The following NEK7 variants were observed in gnomAD, a reference collection of about 807,000 sequenced individuals.
The protein encoded by NEK7 is serine/threonine-protein kinase Nek7.
Under a neutral mutation model 44.6 loss-of-function variants are expected in NEK7, and 18 were observed. That is an observed-to-expected ratio of 0.40 (90% CI 0.28 to 0.60). The LOEUF is 0.60. Among genes scored for constraint, NEK7 ranks in the 20% least tolerant of loss-of-function variants. The pLI is 0.38. For synonymous variants in NEK7, 130 were observed against 121.1 expected (o/e 1.07, Z -0.48); for missense variants, 256 against 366.5 (o/e 0.70, Z 2.46).
intron 1 of NEK7, among the ~76,000 whole-genome samples, chr1:198,201,066 G>A (rs917965760): frequency 2.0e-5 from 3 of 152,106 alleles, no homozygotes; most frequent in Admixed American, 6.5e-5. Flanking sequence ...AGTGATTTTT[G>A]TGGTACATAA....
chr1:198,215,941 A>G (rs1476351258), intron 1 of NEK7, among the ~76,000 whole-genome samples: 5 of 152,122 alleles, frequency 3.3e-5, no homozygotes, highest in African/African-American at 9.7e-5. Flanking sequence ...GAAAAGAGAT[A>G]GCAACACAAC....
At chr1:198,168,645 A>G (rs1470442667) in intron 1 of NEK7, among the ~76,000 whole-genome samples, 2 of 152,220 alleles carry the variant, frequency 1.3e-5, no homozygotes, top group African/African-American at 4.8e-5. Context: ...TGGCAGCTGT[A>G]AAATGAGTGA....
chr1:198,197,832 G>A lies in NEK7; in HGVS notation c.-28-34721G>A, dbSNP rs1245793559. On this transcript the variant is annotated intron_variant, in intron 1 of 9. Coordinates refer to ENST00000367385, the MANE Select transcript of NEK7 (RefSeq NM_133494.3). ...GAGGAATGCTTGCCATGCTCGTGGT[G>A]CTTGTGCATCTTTTTGTGAGCTTTC... 2.8e-5 allele frequency: 23 copies of A among 811,036 alleles called. No individual in the cohort carries two copies. In the Admixed American group the frequency reaches 4.0e-4, roughly 14 times the overall value. 50.2% of individuals were successfully genotyped at this position (811,036 alleles called of 1,614,324 possible).
At chr1:198,248,643 G>T (rs1478774789) in intron 2 of NEK7, among the ~76,000 whole-genome samples, 1 of 152,132 alleles carries the variant, frequency 6.6e-6, no homozygotes, top group Non-Finnish European at 1.5e-5. Context: ...CATATTCTTT[G>T]CAGAAGTTAA....
At chr1:198,161,700 C>A (rs1664111657) in intron 1 of NEK7, among the ~76,000 whole-genome samples, 1 of 152,096 alleles carries the variant, frequency 6.6e-6, no homozygotes, top group Non-Finnish European at 1.5e-5. Flanking sequence ...GGTTTCTTCA[C>A]CATTCTTTGC....
At position 198,320,445 on chromosome 1, in the gene NEK7, T is replaced by C. The variant is rs1558110839; in HGVS notation, c.*923T>C. ...CTAAGTTTTTATTCATAAGTTTTATTGAAGTTCTGATCGGTCCCCTTCAGA... is the reference window on the plus strand; with the variant it reads ...CTAAGTTTTTATTCATAAGTTTTATCGAAGTTCTGATCGGTCCCCTTCAGA... On this transcript the variant is annotated 3_prime_UTR_variant, in exon 10 of 10. Transcript: ENST00000367385. The C allele has an allele frequency of 2.0e-5, 3 of 152,160 alleles. No individual in the cohort carries two copies. The allele number at this position is 152,160 out of a possible 1,614,324, so 9.4% of individuals were successfully genotyped here. A position where few individuals can be genotyped will look rare whatever the true frequency, so the allele number is the denominator to read the frequency against.
At chr1:198,288,630 C>T (rs192660042) in intron 7 of NEK7, among the ~76,000 whole-genome samples, 91 of 152,290 alleles carry the variant, frequency 6.0e-4, no homozygotes, top group Admixed American at 1.2e-3. Flanking sequence ...CCTATGCCTT[C>T]TCTCTAAAGC....
intron 7 of NEK7, 108 bp downstream of exon 7, chr1:198,279,169 T>A (rs1210126164): frequency 2.9e-6 from 2 of 678,034 alleles, no homozygotes; most frequent in South Asian, 1.9e-5. Context: ...AAAACTATTT[T>A]AAAAATCACC....
intron 2 of NEK7, among the ~76,000 whole-genome samples, chr1:198,252,528 C>CTATATATACA (rs1653055917): frequency 3.1e-5 from 1 of 32,694 alleles, no homozygotes; most frequent in African/African-American, 1.5e-4. Flanking sequence ...ATCTCACATA[C>CTATATATACA]TATATATATA....
intron 1 of NEK7, among the ~76,000 whole-genome samples, chr1:198,231,297 GTGTGTATATATATATA>G (rs1213824200): frequency 1.9e-4 from 17 of 90,188 alleles, no homozygotes; most frequent in Admixed American, 1.2e-3. Flanking sequence ...GTGTATGTGT[GTGTGTATATATATATA>G]TATATATATA....
chr1:198,239,399 G>A (rs924334300), intron 2 of NEK7, among the ~76,000 whole-genome samples: 1 of 151,916 alleles, frequency 6.6e-6, no homozygotes, highest in Non-Finnish European at 1.5e-5. Context: ...GTAATGTGAT[G>A]GATTTAGGTG....
intron 8 of NEK7, among the ~76,000 whole-genome samples, chr1:198,295,667 T>C (rs966562431): frequency 4.6e-5 from 7 of 151,776 alleles, no homozygotes; most frequent in African/African-American, 1.2e-4. Context: ...AAAAGGACTA[T>C]AATGAACGCC....
intron 3 of NEK7, chr1:198,256,308 C>A: frequency 6.3e-7 from 1 of 1,593,100 alleles, no homozygotes; most frequent in Non-Finnish European, 8.5e-7. Flanking sequence ...ATGTGTTCAG[C>A]TCTGGCCATT....
At chr1:198,281,165 A>G (rs1220114935) in intron 7 of NEK7, among the ~76,000 whole-genome samples, 1 of 151,998 alleles carries the variant, frequency 6.6e-6, no homozygotes, top group Non-Finnish European at 1.5e-5. Context: ...AACATACAAT[A>G]TGTATAAAAT....
chr1:198,178,686 TTTG>T (rs71133918), intron 1 of NEK7, among the ~76,000 whole-genome samples: 18 of 151,618 alleles, frequency 1.2e-4, no homozygotes, highest in South Asian at 2.1e-4. Flanking sequence ...CCTGCCATTT[TTTG>T]TTGTTGTTGT....
intron 3 of NEK7, among the ~76,000 whole-genome samples, chr1:198,253,945 T>C (rs1166801137): frequency 6.6e-6 from 1 of 152,178 alleles, no homozygotes; most frequent in Non-Finnish European, 1.5e-5. Context: ...AATCACACAG[T>C]GAATCATACA....
chr1:198,191,280 C>G (rs1047782436), intron 1 of NEK7, among the ~76,000 whole-genome samples: 2 of 151,882 alleles, frequency 1.3e-5, no homozygotes, highest in South Asian at 2.1e-4. Flanking sequence ...ATATTTCTGC[C>G]TGTAGTATAT....
intron 2 of NEK7, among the ~76,000 whole-genome samples, chr1:198,237,109 A>G (rs1341632506): frequency 1.3e-5 from 2 of 152,028 alleles, no homozygotes; most frequent in Non-Finnish European, 2.9e-5. Context: ...TTTGAAACCT[A>G]TTCTTCACTT....
chr1:198,289,195 C>T (rs994140055), intron 7 of NEK7, among the ~76,000 whole-genome samples: 2 of 150,900 alleles, frequency 1.3e-5, no homozygotes, highest in African/African-American at 4.9e-5. Context: ...TGTAAGATGA[C>T]TTGTCTCCTT....
Sources: gnomAD v4.1 joint callset for allele counts (sites outside exome capture counted in the v4.1 genomes callset) on GRCh38, gnomAD v4.1.1 for gene constraint, MANE v1.5 for transcripts, NCBI Gene and HGNC (gene_info 2026-07-23, HGNC 2026-07-21) for gene names.